The following CHODL variants were observed in gnomAD, a reference collection of about 807,000 sequenced individuals.
CHODL encodes the protein chondrolectin.
CHODL carries 29 observed loss-of-function variants against 34.5 expected under a neutral mutation model. The observed-to-expected ratio is 0.84, with a 90% CI of 0.63 to 1.15. The LOEUF (loss-of-function observed/expected upper bound fraction) is 1.15. Among genes scored for constraint, CHODL ranks in the 50% most tolerant of loss-of-function variants. CHODL has a pLI of 0.00. For missense variants in CHODL, 332 were observed against 332.5 expected (o/e 1.00, Z 0.01); for synonymous variants, 125 against 116.1 (o/e 1.08, Z -0.49).
At chr21:18,057,226 CTATT>C (rs903298026) in intron 2 of CHODL, among the ~76,000 whole-genome samples, 1 of 152,044 alleles carries the variant, frequency 6.6e-6, no homozygotes, top group Non-Finnish European at 1.5e-5. Context: ...ATTCATGTGG[CTATT>C]TATTTTCTTT....
At chr21:18,127,523 G>T (rs1407591240) in intron 2 of CHODL, among the ~76,000 whole-genome samples, 5 of 152,060 alleles carry the variant, frequency 3.3e-5, no homozygotes, top group African/African-American at 1.2e-4. Flanking sequence ...AGTGATCAAA[G>T]ATGGGGCAAC....
intron 1 of CHODL, among the ~76,000 whole-genome samples, chr21:17,933,226 T>C (rs944674102): frequency 3.9e-5 from 6 of 152,068 alleles, no homozygotes; most frequent in South Asian, 2.1e-4. Context: ...TGCAAAGAGG[T>C]GTTCCTTCCT....
intron 1 of CHODL, among the ~76,000 whole-genome samples, chr21:17,969,458 A>G (rs888122537): frequency 1.3e-5 from 2 of 152,250 alleles, no homozygotes; most frequent in African/African-American, 4.8e-5. Flanking sequence ...GTTAAATGAA[A>G]CAAATTTGTA....
chr21:18,147,575 A>G (rs1335275659), intron 2 of CHODL, among the ~76,000 whole-genome samples: 1 of 152,234 alleles, frequency 6.6e-6, no homozygotes, highest in East Asian at 1.9e-4. Flanking sequence ...TGTCATATAA[A>G]TTGTGGAAGA....
intron 2 of CHODL, among the ~76,000 whole-genome samples, chr21:18,175,614 A>G (rs2073298453): frequency 2.0e-5 from 3 of 152,144 alleles, no homozygotes; most frequent in Non-Finnish European, 2.9e-5. Flanking sequence ...AAAGAAAGAT[A>G]TTGTTCCTTC....
chr21:18,050,977 G>A (rs746520025), intron 2 of CHODL, among the ~76,000 whole-genome samples: 1 of 150,904 alleles, frequency 6.6e-6, no homozygotes, highest in Non-Finnish European at 1.5e-5. Context: ...TGTGCAGAAC[G>A]TGTAGGTTTG....
intron 2 of CHODL, among the ~76,000 whole-genome samples, chr21:18,096,980 A>G (rs911993291): frequency 6.6e-6 from 1 of 152,158 alleles, no homozygotes; most frequent in Non-Finnish European, 1.5e-5. Flanking sequence ...ACACTTAGCG[A>G]AAATAGAAAA....
upstream of CHODL, among the ~76,000 whole-genome samples, chr21:18,241,226 G>A (rs966266674): frequency 6.6e-6 from 1 of 150,462 alleles, no homozygotes; most frequent in African/African-American, 2.5e-5. Flanking sequence ...CTTACTGGAA[G>A]TGATAACCAA....
At chr21:18,069,984 TTTCCCTTCCCTTCCC>T (rs755537479) in intron 2 of CHODL, among the ~76,000 whole-genome samples, 37 of 44,134 alleles carry the variant, frequency 8.4e-4, no homozygotes, top group African/African-American at 2.1e-3. Flanking sequence ...CCTCCTTTTC[TTTCCCTTCCCTTCCC>T]TTCCCTTCCC....
chr21:18,086,444 TC>T lies in CHODL; in HGVS notation c.-45+58474del, dbSNP rs140739110. Among the ~76,000 whole-genome samples the T allele has an allele frequency of 8.1e-3, 1,228 of 152,302 alleles. 8 individuals carry two copies. Among genetic ancestry groups the T allele is most frequent in the African/African-American group, 0.027 (1,117 of 41,558 alleles). On this transcript the variant is annotated intron_variant, in intron 2 of 6. Transcript: ENST00000400127. ...TCTCTTTTTTTCATGTTTTCTGTATTCTTCCATTGATATCTGTGCATCTGGT... is the reference window on the plus strand; with the variant it reads ...TCTCTTTTTTTCATGTTTTCTGTATTTTCCATTGATATCTGTGCATCTGGT...
chr21:17,960,861 A>T (rs576062856), intron 1 of CHODL, among the ~76,000 whole-genome samples: 7 of 152,184 alleles, frequency 4.6e-5, no homozygotes, highest in African/African-American at 1.7e-4. Context: ...TCCCACATTC[A>T]ATTAGTCTTC....
intron 2 of CHODL, among the ~76,000 whole-genome samples, chr21:18,085,867 G>C (rs1298002595): frequency 1.3e-5 from 2 of 151,970 alleles, no homozygotes; most frequent in African/African-American, 2.4e-5. Flanking sequence ...ACTGGGGATT[G>C]GTGGGCCTTC....
Position 17,955,742 on chromosome 21 carries a change from G to C in CHODL, c.-145+38342G>C, listed in dbSNP as rs11909593. On this transcript the variant is annotated intron_variant, in intron 1 of 6. Transcript: ENST00000400127. The stretch of plus-strand genomic sequence containing the variant: ...AGGGAAAAAAATTGCTTGCTTTTTT[G>C]GGAATAGACTTTTATAAAAACCTGA... Among the ~76,000 whole-genome samples, 460 of 136,722 alleles carry C rather than the reference G, an allele frequency of 3.4e-3. 49 individuals carry two copies. The highest frequency in any genetic ancestry group is 0.011 in the African/African-American group (426 of 40,004). 89.7% of individuals were successfully genotyped at this position (136,722 alleles called of 152,430 possible). A position where few individuals can be genotyped will look rare whatever the true frequency, so the allele number is the denominator to read the frequency against.
chr21:18,140,941 C>T (rs1040470123), intron 2 of CHODL, among the ~76,000 whole-genome samples: 10 of 151,948 alleles, frequency 6.6e-5, no homozygotes, highest in Non-Finnish European at 1.5e-4. Flanking sequence ...TGTTCTGGCA[C>T]AGATATTTCT....
chr21:18,244,328 G>C (rs950847297), upstream of CHODL, among the ~76,000 whole-genome samples: 3 of 152,230 alleles, frequency 2.0e-5, no homozygotes, highest in Admixed American at 1.3e-4. Flanking sequence ...GGCAGTTTTC[G>C]TCAAACAACC....
At chr21:18,147,357 G>C (rs553002683) in intron 2 of CHODL, among the ~76,000 whole-genome samples, 1 of 152,284 alleles carries the variant, frequency 6.6e-6, no homozygotes, top group Admixed American at 6.5e-5. Flanking sequence ...CTCTCCAAGC[G>C]CTGGTGGTCC....
chr21:18,171,780 G>A (rs1261674086), intron 2 of CHODL, among the ~76,000 whole-genome samples: 3 of 148,926 alleles, frequency 2.0e-5, no homozygotes, highest in Non-Finnish European at 4.4e-5. Flanking sequence ...TGCTGCTGCT[G>A]TTGCTGGTCT....
chr21:18,234,296 A>G (rs1469257475), intron 2 of CHODL, among the ~76,000 whole-genome samples: 1 of 151,966 alleles, frequency 6.6e-6, no homozygotes, highest in Admixed American at 6.6e-5. Context: ...CCTCTCTTGG[A>G]AGGTTATCAG....
At chr21:18,215,102 C>G (rs900915049) in intron 2 of CHODL, among the ~76,000 whole-genome samples, 28 of 151,922 alleles carry the variant, frequency 1.8e-4, no homozygotes, top group Admixed American at 1.3e-4. Flanking sequence ...CCATGATTGG[C>G]AGCCGTCTTG....
Sources: allele counts gnomAD v4.1 joint callset (sites outside exome capture counted in the v4.1 genomes callset), GRCh38; gene constraint gnomAD v4.1.1; transcripts MANE v1.5; gene names NCBI Gene and HGNC (gene_info 2026-07-23, HGNC 2026-07-21).